PLOD2: variants seen among roughly 807,000 people sequenced by gnomAD.
PLOD2 encodes lysine hydroxylase 2.
PLOD2 carries 65 observed loss-of-function variants against 101.0 expected under a neutral mutation model. That is an observed-to-expected ratio of 0.64 (90% CI 0.53 to 0.79). PLOD2 has a LOEUF of 0.79. PLOD2 is among the 30% of genes least tolerant of loss of function. The probability of loss-of-function intolerance (pLI) is 0.00; values close to 1 mark genes in which losing one functional copy is unlikely to be tolerated. For missense variants in PLOD2, 909 were observed against 914.6 expected, an observed-to-expected ratio of 0.99 and a Z score of 0.08; for synonymous variants, 314 against 302.9, an observed-to-expected ratio of 1.04 and a Z score of -0.38.
intron 15 of PLOD2, chr3:146,076,019 T>G (rs1340072263): frequency 6.6e-6 from 1 of 151,708 alleles, no homozygotes; most frequent in Non-Finnish European, 1.5e-5. Context: ...TGCTAAGGTT[T>G]AGGGTATGAC....
chr3:146,114,141 C>T lies in PLOD2; in HGVS notation c.339-3693G>A, dbSNP rs369940980. 2.0e-4 allele frequency among the ~76,000 whole-genome samples: 30 copies of T among 152,182 alleles called. No homozygotes were observed. In the East Asian group the frequency reaches 2.7e-3, roughly 14 times the overall value. ...TCTCAAACCCTGTCTCCTGATAAGA[C>T]GTTATCAATGACAATGCATACCCGA... On this transcript the variant is annotated intron_variant, in intron 3 of 19. Transcript: ENST00000282903.
chr3:146,123,527 A>C (rs201003492), intron 2 of PLOD2, among the ~76,000 whole-genome samples: 1 of 134,766 alleles, frequency 7.4e-6, no homozygotes. Flanking sequence ...AACAAACAAA[A>C]AAAGCAAAAA....
chr3:146,127,621 G>A (rs1036868801), intron 1 of PLOD2, among the ~76,000 whole-genome samples: 2 of 152,040 alleles, frequency 1.3e-5, no homozygotes, highest in South Asian at 2.1e-4. Flanking sequence ...GTTGTGAATA[G>A]TGCTGCAATA....
intron 19 of PLOD2, 61 bp from the exon 20 acceptor site, chr3:146,070,933 TTA>T: frequency 4.6e-6 from 7 of 1,532,274 alleles, no homozygotes; most frequent in Non-Finnish European, 6.3e-6. Flanking sequence ...AAAATTCAAA[TTA>T]TGTCATTTGA....
At chr3:146,128,287 A>C (rs1471406780) in intron 1 of PLOD2, among the ~76,000 whole-genome samples, 1 of 152,072 alleles carries the variant, frequency 6.6e-6, no homozygotes, top group Admixed American at 6.6e-5. Flanking sequence ...AAGCTATCTC[A>C]TTTTCTTCGT....
intron 8 of PLOD2, among the ~76,000 whole-genome samples, chr3:146,090,607 T>C (rs1227339367): frequency 2.0e-5 from 3 of 151,708 alleles, no homozygotes; most frequent in Non-Finnish European, 3.0e-5. Flanking sequence ...TGGCATTCTT[T>C]GCAGATAGGA....
chr3:146,108,488 CTA>C (rs1461290688), intron 4 of PLOD2, among the ~76,000 whole-genome samples: 1 of 152,194 alleles, frequency 6.6e-6, no homozygotes, highest in Middle Eastern at 3.2e-3. Context: ...TGGCCAAAAA[CTA>C]TTTTTAAAAA....
Position 146,071,293 on chromosome 3 carries a change from G to C in PLOD2, c.1979C>G (p.Ala660Gly), listed in dbSNP as rs750292940. ...FIAPVTLKVF[A>G]GYYTKGFALL... Reference sequence around the variant, plus strand: ...GATAACTACCTTCGTATAATAGCCTGCAAAGACCTTCAGTGTAACTGGTGC... The same window carrying C: ...GATAACTACCTTCGTATAATAGCCTCCAAAGACCTTCAGTGTAACTGGTGC... The change falls in exon 18 of 20, where the codon GCA becomes GGA. Residue 660 changes from alanine to glycine, a missense_variant. Transcript: ENST00000282903. The C allele has an allele frequency of 6.2e-7, 1 of 1,612,032 alleles. No homozygotes were observed. The highest frequency in any genetic ancestry group is 1.7e-5 in the Admixed American group (1 of 59,738).
chr3:146,085,284 A>G lies in PLOD2; in HGVS notation c.1128-11T>C. 7.2e-7 allele frequency: 1 copy of G among 1,379,468 alleles called. No homozygotes were observed. Among genetic ancestry groups the G allele is most frequent in the African/African-American group, 1.4e-5 (1 of 70,364 alleles). 85.5% of individuals were successfully genotyped at this position (1,379,468 alleles called of 1,614,324 possible). ...TGACGGCAAAAGTCCCTAACAGTGAAAAAGAAAATGAAATGGGCATGACAT... is the reference window on the plus strand; with the variant it reads ...TGACGGCAAAAGTCCCTAACAGTGAGAAAGAAAATGAAATGGGCATGACAT... On this transcript the variant is annotated splice_polypyrimidine_tract_variant and intron_variant, in intron 10 of 19. Transcript: ENST00000282903.
chr3:146,089,446 G>A (rs1295684522), intron 8 of PLOD2, among the ~76,000 whole-genome samples: 3 of 151,456 alleles, frequency 2.0e-5, no homozygotes, highest in East Asian at 3.9e-4. Flanking sequence ...GGGAAGACAG[G>A]AACATAAGTA....
At chr3:146,079,054 C>T in intron 13 of PLOD2, 62 bp downstream of exon 13, 1 of 1,534,062 alleles carries the variant, frequency 6.5e-7, no homozygotes, top group South Asian at 1.1e-5. Context: ...CAGTGACACA[C>T]CAACTGGTAA....
At chr3:146,078,955 A>G in intron 13 of PLOD2, among the ~76,000 whole-genome samples, 161 bp downstream of exon 13, 1 of 151,950 alleles carries the variant, frequency 6.6e-6, no homozygotes, top group East Asian at 1.9e-4. Flanking sequence ...ATGTTAAATT[A>G]TCTCCAAAAT....
chr3:146,127,986 C>A (rs1459678645), intron 1 of PLOD2, among the ~76,000 whole-genome samples: 1 of 152,112 alleles, frequency 6.6e-6, no homozygotes, highest in African/African-American at 2.4e-5. Flanking sequence ...TATAGAATTC[C>A]TATAAAGACA....
chr3:146,152,834 T>C (rs1190449587), intron 1 of PLOD2, among the ~76,000 whole-genome samples: 1 of 152,240 alleles, frequency 6.6e-6, no homozygotes, highest in Non-Finnish European at 1.5e-5. Context: ...TCTGAATCTC[T>C]GCTTTGTAAG....
At chr3:146,077,790 C>A in intron 14 of PLOD2, 72 bp downstream of exon 14, 1 of 854,640 alleles carries the variant, frequency 1.2e-6, no homozygotes, top group Non-Finnish European at 1.9e-6. Context: ...CTTAAAGAAA[C>A]TTTACTACTA....
chr3:146,080,941 C>T (rs1385671769), intron 12 of PLOD2, among the ~76,000 whole-genome samples: 5 of 151,954 alleles, frequency 3.3e-5, no homozygotes, highest in African/African-American at 4.8e-5. Flanking sequence ...ACTGTTTGAA[C>T]AGAAACGTGT....
At chr3:146,096,097 C>G (rs979829407) in intron 7 of PLOD2, among the ~76,000 whole-genome samples, 1 of 150,360 alleles carries the variant, frequency 6.7e-6, no homozygotes, top group Admixed American at 6.6e-5. Flanking sequence ...CTGTGTTGGC[C>G]GGGCTGGTCT....
intron 1 of PLOD2, among the ~76,000 whole-genome samples, chr3:146,126,853 GAC>G (rs981715077): frequency 6.6e-6 from 1 of 151,964 alleles, no homozygotes; most frequent in African/African-American, 2.4e-5. Context: ...ATAATTTAGA[GAC>G]ACATACTGAA....
chr3:146,102,099 T>C (rs1937407636), intron 7 of PLOD2, among the ~76,000 whole-genome samples: 2 of 152,198 alleles, frequency 1.3e-5, no homozygotes, highest in South Asian at 4.1e-4. Context: ...TCTAGGTACT[T>C]AAACCAGGCA....
Sources: allele counts gnomAD v4.1 joint callset (sites outside exome capture counted in the v4.1 genomes callset), GRCh38; gene constraint gnomAD v4.1.1; transcripts MANE v1.5; gene names NCBI Gene and HGNC (gene_info 2026-07-23, HGNC 2026-07-21).